PPARA: variants seen among roughly 807,000 people sequenced by gnomAD.
The protein encoded by PPARA is peroxisome proliferator activated receptor alpha, also known as peroxisome proliferator-activated receptor alpha.
A neutral mutation model predicts 42.2 loss-of-function variants in PPARA; 22 were observed. That is an observed-to-expected ratio of 0.52 (90% CI 0.37 to 0.74). The LOEUF (loss-of-function observed/expected upper bound fraction) is 0.74, where lower values mean the gene tolerates loss of function less well. Among genes scored for constraint, PPARA ranks in the 30% least tolerant of loss-of-function variants. The pLI is 0.00. For synonymous variants in PPARA, 242 were observed against 239.3 expected, an observed-to-expected ratio of 1.01 and a Z score of -0.10; for missense variants, 465 against 608.2, an observed-to-expected ratio of 0.76 and a Z score of 2.48.
In PPARA at chr22:46,162,430, C is replaced by A. The variant is rs1000289041; in HGVS notation, c.-127+10460C>A. 3.3e-5 allele frequency among the ~76,000 whole-genome samples: 5 copies of A among 152,312 alleles called. No homozygotes were observed. The highest frequency in any genetic ancestry group is 4.1e-4 in the South Asian group (2 of 4,826). On this transcript the variant is annotated intron_variant, in intron 2 of 8. Coordinates refer to ENST00000407236, the MANE Select transcript of PPARA (RefSeq NM_005036.6). The surrounding 1 kb of genome is among the most constrained non-coding windows in gnomAD (Gnocchi z 6.0). ...GAGACACACTCCCTTACCCTCATAC[C>A]CCGCCGCACCCCTGTGACCTCTACC... is the stretch of plus-strand genomic sequence containing the variant.
rs758765782 is a variant in PPARA, at chr22:46,198,344, G to T, written c.-40G>T. On this transcript the variant is annotated splice_region_variant and 5_prime_UTR_variant, in exon 4 of 9. Transcript: ENST00000407236. ...CAATTGTTCCTCTTTCCTCCCAGTA[G>T]CTTGGAGCTCGGCGGCACAACCAGC... is the stretch of plus-strand genomic sequence containing the variant. The T allele has an allele frequency of 3.2e-6, 5 of 1,579,204 alleles. No individual in the cohort carries two copies. The highest frequency in any genetic ancestry group is 2.2e-5 in the East Asian group (1 of 44,718).
Position 46,161,067 on chromosome 22 carries a change from T to C in PPARA, c.-127+9097T>C, listed in dbSNP as rs1000540641. Among the ~76,000 whole-genome samples, 11 of 152,138 alleles carry C rather than the reference T, an allele frequency of 7.2e-5. No individual in the cohort carries two copies. Among genetic ancestry groups the C allele is most frequent in the Non-Finnish European group, 1.5e-4 (10 of 68,034 alleles). On this transcript the variant is annotated intron_variant, in intron 2 of 8. Coordinates refer to ENST00000407236, the MANE Select transcript of PPARA (RefSeq NM_005036.6). This position sits in a 1 kb window ranked among gnomAD's most constrained non-coding sequence, Gnocchi z 4.8. ...CACAGCTGATGATCTTTAATACTAATAGAGGTATAAGACTTAAAAGAAACA... is the reference window on the plus strand; with the variant it reads ...CACAGCTGATGATCTTTAATACTAACAGAGGTATAAGACTTAAAAGAAACA...
Position 46,161,436 on chromosome 22 carries a change from C to T in PPARA, c.-127+9466C>T, listed in dbSNP as rs1448262366. On this transcript the variant is annotated intron_variant, in intron 2 of 8. Coordinates refer to ENST00000407236, the MANE Select transcript of PPARA (RefSeq NM_005036.6). The surrounding 1 kb of genome is among the most constrained non-coding windows in gnomAD (Gnocchi z 4.8). The stretch of plus-strand genomic sequence containing the variant: ...TGAAACCCCGTCTCTACTAAAAATA[C>T]AAAATTTAGCTGGGCATGGTATGGC... Among the ~76,000 whole-genome samples the T allele has an allele frequency of 6.6e-6, 1 of 151,944 alleles. No individual in the cohort carries two copies. The highest frequency in any genetic ancestry group is 1.5e-5 in the Non-Finnish European group (1 of 67,986).
At position 46,150,698 on chromosome 22, in the gene PPARA, T is replaced by G. The variant is rs1924258257; in HGVS notation, c.-210+46T>G. On this transcript the variant is annotated intron_variant, in intron 1 of 8. Coordinates refer to ENST00000407236, the MANE Select transcript of PPARA (RefSeq NM_005036.6). The surrounding 1 kb of genome is among the most constrained non-coding windows in gnomAD (Gnocchi z 7.5). ...GGGCGGGCGGGAACGCGCGCGGGGG[T>G]CCGCGGTCCGGGCTTCCCAGGTCCC... is the stretch of plus-strand genomic sequence containing the variant. 7.0e-6 allele frequency: 1 copy of G among 142,460 alleles called. No individual in the cohort carries two copies. The allele number at this position is 142,460 out of a possible 1,614,324, so 8.8% of individuals were successfully genotyped here. A position where few individuals can be genotyped will look rare whatever the true frequency, so the allele number is the denominator to read the frequency against.
chr22:46,186,669 C>T lies in PPARA; in HGVS notation c.-43+9833C>T, dbSNP rs144754999. Among the ~76,000 whole-genome samples the T allele has an allele frequency of 4.6e-3, 707 of 152,172 alleles. 4 individuals carry two copies. Among genetic ancestry groups the T allele is most frequent in the Non-Finnish European group, 8.5e-3 (578 of 68,012 alleles). On this transcript the variant is annotated intron_variant, in intron 3 of 8. Coordinates refer to ENST00000407236, the MANE Select transcript of PPARA (RefSeq NM_005036.6). Reference sequence around the variant, plus strand: ...CGGAGGTTGCAGTGAGCCGAGATCACGCCACTGCACTCCAGGCTAGGTGAG... The same window carrying T: ...CGGAGGTTGCAGTGAGCCGAGATCATGCCACTGCACTCCAGGCTAGGTGAG...
In PPARA at chr22:46,171,673, G is replaced by A. The variant is rs1243852505; in HGVS notation, c.-126-5080G>A. ...GGAGGGCAGCAGGGTGGGCTCATGAGAGGAACAGCCAGGAAGTGTGACTCG... is the reference window on the plus strand; with the variant it reads ...GGAGGGCAGCAGGGTGGGCTCATGAAAGGAACAGCCAGGAAGTGTGACTCG... On this transcript the variant is annotated intron_variant, in intron 2 of 8. Transcript: ENST00000407236. This position sits in a 1 kb window ranked among gnomAD's most constrained non-coding sequence, Gnocchi z 5.0. Among the ~76,000 whole-genome samples the A allele has an allele frequency of 1.3e-5, 2 of 152,186 alleles. No homozygotes were observed. The highest frequency in any genetic ancestry group is 4.8e-5 in the African/African-American group (2 of 41,442).
Position 46,230,906 on chromosome 22 carries a change from CAT to C in PPARA, c.712-882_712-881del, listed in dbSNP as rs144847298. Reference sequence around the variant, plus strand: ...AATAATGGTGTTCACCCCTAAAGTGCATATACTGGTAAAATTAAGAATGATCG... The same window carrying C: ...AATAATGGTGTTCACCCCTAAAGTGCATACTGGTAAAATTAAGAATGATCG... On this transcript the variant is annotated intron_variant, in intron 7 of 8. Transcript: ENST00000407236. The surrounding 1 kb of genome is among the most constrained non-coding windows in gnomAD (Gnocchi z 5.0). 3.3e-5 allele frequency among the ~76,000 whole-genome samples: 5 copies of C among 152,282 alleles called. No individual in the cohort carries two copies. In the East Asian group the frequency reaches 9.6e-4, roughly 29 times the overall value.
In PPARA at chr22:46,195,896, C is replaced by T. The variant is rs903266589; in HGVS notation, c.-42-2446C>T. Among the ~76,000 whole-genome samples the T allele has an allele frequency of 4.6e-5, 7 of 152,142 alleles. No individual in the cohort carries two copies. Among genetic ancestry groups the T allele is most frequent in the Middle Eastern group, 3.2e-3 (1 of 316 alleles). On this transcript the variant is annotated intron_variant, in intron 3 of 8. Transcript: ENST00000407236. The surrounding 1 kb of genome is among the most constrained non-coding windows in gnomAD (Gnocchi z 4.6). ...AAGCTAAAGGTCACCTAGTCAGCCT[C>T]GTTGGGTGATTGATGACTCAGCTGG... is the stretch of plus-strand genomic sequence containing the variant.
chr22:46,206,917 T>G (rs898047297), intron 4 of PPARA, among the ~76,000 whole-genome samples: 1 of 152,114 alleles, frequency 6.6e-6, no homozygotes, highest in African/African-American at 2.4e-5. Context: ...ATAACCTTCA[T>G]TCTAGAAAGT....
chr22:46,169,468 TC>T (rs1927647039), intron 2 of PPARA, among the ~76,000 whole-genome samples: 8 of 151,766 alleles, frequency 5.3e-5, no homozygotes, highest in Non-Finnish European at 1.2e-4. Context: ...TCTCCTGCTG[TC>T]GTGATCTGCC....
At chr22:46,207,662 ATTATTATTATTATTATTTTT>A (rs1437390419) in intron 4 of PPARA, among the ~76,000 whole-genome samples, 33 of 85,248 alleles carry the variant, frequency 3.9e-4, no homozygotes, top group African/African-American at 1.7e-3. Flanking sequence ...TATTATTATT[ATTATTATTATTATTATTTTT>A]TTTTTTTTTT....
At chr22:46,170,933 A>G (rs1345259863) in intron 2 of PPARA, among the ~76,000 whole-genome samples, 1 of 151,770 alleles carries the variant, frequency 6.6e-6, no homozygotes, top group Non-Finnish European at 1.5e-5. Flanking sequence ...AGGCCGAGAC[A>G]GCAGATCACC....
In PPARA at chr22:46,192,560, A is replaced by C. The variant is rs904087262; in HGVS notation, c.-42-5782A>C. Among the ~76,000 whole-genome samples the C allele has an allele frequency of 1.3e-5, 2 of 152,224 alleles. No homozygotes were observed. Among genetic ancestry groups the C allele is most frequent in the Non-Finnish European group, 1.5e-5 (1 of 68,040 alleles). On this transcript the variant is annotated intron_variant, in intron 3 of 8. Transcript: ENST00000407236. This position sits in a 1 kb window ranked among gnomAD's most constrained non-coding sequence, Gnocchi z 4.3. ...CGTTCTCAAAGGAATATTTTGATTG[A>C]TAAATGTTTAGTTAGTAAGACCTAA...
Position 46,239,166 on chromosome 22 carries a change from G to C in PPARA, c.*3786G>C, listed in dbSNP as rs41403648. On this transcript the variant is annotated 3_prime_UTR_variant, in exon 9 of 9. Coordinates refer to ENST00000407236, the MANE Select transcript of PPARA (RefSeq NM_005036.6). The stretch of plus-strand genomic sequence containing the variant: ...AGCAGACAAGGCACCCTTCTGCTGC[G>C]CTGATACGTTTCTTACACTGGGCCA... 6.6e-6 allele frequency: 1 copy of C among 152,086 alleles called. No individual in the cohort carries two copies. Among genetic ancestry groups the C allele is most frequent in the Non-Finnish European group, 1.5e-5 (1 of 68,018 alleles). 9.4% of individuals were successfully genotyped at this position (152,086 alleles called of 1,614,324 possible). A position where few individuals can be genotyped will look rare whatever the true frequency, so the allele number is the denominator to read the frequency against.
In PPARA at chr22:46,173,948, T is replaced by C. The variant is rs897756213; in HGVS notation, c.-126-2805T>C. Among the ~76,000 whole-genome samples, 3 of 151,584 alleles carry C rather than the reference T, an allele frequency of 2.0e-5. No homozygotes were observed. Among genetic ancestry groups the C allele is most frequent in the Admixed American group, 6.6e-5 (1 of 15,210 alleles). ...GGCTAGGTGCAGTGGCTCATGCCTG[T>C]AATCCCAGCACTTTGGGAGGCCGAG... On this transcript the variant is annotated intron_variant, in intron 2 of 8. Transcript: ENST00000407236. The surrounding 1 kb of genome is among the most constrained non-coding windows in gnomAD (Gnocchi z 4.3).
Position 46,204,558 on chromosome 22 carries a change from A to C in PPARA, c.208+5967A>C, listed in dbSNP as rs1401596623. Among the ~76,000 whole-genome samples the C allele has an allele frequency of 6.6e-6, 1 of 152,168 alleles. No homozygotes were observed. Among genetic ancestry groups the C allele is most frequent in the Non-Finnish European group, 1.5e-5 (1 of 68,036 alleles). On this transcript the variant is annotated intron_variant, in intron 4 of 8. Coordinates refer to ENST00000407236, the MANE Select transcript of PPARA (RefSeq NM_005036.6). The surrounding 1 kb of genome is among the most constrained non-coding windows in gnomAD (Gnocchi z 5.2). ...ATGATCAGTCTTTTTAATTTTAACCATGTCAGTAGGTGTGTGATGGTCTCT... is the reference window on the plus strand; with the variant it reads ...ATGATCAGTCTTTTTAATTTTAACCCTGTCAGTAGGTGTGTGATGGTCTCT...
In PPARA at chr22:46,243,031, T is replaced by C. The variant is rs547937189; in HGVS notation, c.*7651T>C. 4 of 152,748 alleles carry C rather than the reference T, an allele frequency of 2.6e-5. No individual in the cohort carries two copies. The highest frequency in any genetic ancestry group is 9.6e-5 in the African/African-American group (4 of 41,566). The allele number at this position is 152,748 out of a possible 1,614,324, so 9.5% of individuals were successfully genotyped here. Reference sequence around the variant, plus strand: ...CAAAGAACGCTGGCAATTGGAAATGTCCTGATGGAAATTCTTTGCACGTGC... The same window carrying C: ...CAAAGAACGCTGGCAATTGGAAATGCCCTGATGGAAATTCTTTGCACGTGC... On this transcript the variant is annotated 3_prime_UTR_variant, in exon 9 of 9. Transcript: ENST00000407236. The surrounding 1 kb of genome is among the most constrained non-coding windows in gnomAD (Gnocchi z 5.0).
In PPARA at chr22:46,191,795, C is replaced by T. The variant is rs1053449134; in HGVS notation, c.-42-6547C>T. 3.9e-5 allele frequency among the ~76,000 whole-genome samples: 6 copies of T among 152,132 alleles called. No homozygotes were observed. The highest frequency in any genetic ancestry group is 7.2e-5 in the African/African-American group (3 of 41,430). ...TAGAAATAGATATTGAGGCCAGGCG[C>T]GGTGGCTCATGCCTGTAATCCCAGC... On this transcript the variant is annotated intron_variant, in intron 3 of 8. Transcript: ENST00000407236. The surrounding 1 kb of genome is among the most constrained non-coding windows in gnomAD (Gnocchi z 4.6).
At position 46,183,156 on chromosome 22, in the gene PPARA, C is replaced by T. The variant is rs550197876; in HGVS notation, c.-43+6320C>T. 7.9e-5 allele frequency among the ~76,000 whole-genome samples: 12 copies of T among 152,284 alleles called. No homozygotes were observed. Among genetic ancestry groups the T allele is most frequent in the African/African-American group, 2.6e-4 (11 of 41,566 alleles). On this transcript the variant is annotated intron_variant, in intron 3 of 8. Transcript: ENST00000407236. This position sits in a 1 kb window ranked among gnomAD's most constrained non-coding sequence, Gnocchi z 5.5. ...CCCACACTCGGGTGCCCCAATGTGG[C>T]GGTGCTTACAGAAATGACTCCATCT...
Sources: allele counts gnomAD v4.1 joint callset (sites outside exome capture counted in the v4.1 genomes callset), GRCh38; gene constraint gnomAD v4.1.1; non-coding constraint Gnocchi (gnomAD v3.1); transcripts MANE v1.5; gene names NCBI Gene and HGNC (gene_info 2026-07-23, HGNC 2026-07-21).